Variants in CAMK2D observed in about 807,000 individuals in gnomAD.
The protein encoded by CAMK2D is calcium/calmodulin dependent protein kinase II delta.
In CAMK2D, 37 loss-of-function variants were observed where a neutral mutation model predicts 84.0. The observed-to-expected ratio is 0.44, with a 90% CI of 0.34 to 0.58. The LOEUF (loss-of-function observed/expected upper bound fraction) is 0.58, where lower values mean the gene tolerates loss of function less well. Ranked by LOEUF, CAMK2D falls within the 20% of genes least tolerant of loss-of-function variation. CAMK2D has a pLI of 0.02. For missense variants in CAMK2D, 448 were observed against 652.5 expected (o/e 0.69, Z 3.41); for synonymous variants, 202 against 212.5 (o/e 0.95, Z 0.43).
chr4:113,474,347 A>T (rs1373253138), intron 16 of CAMK2D, among the ~76,000 whole-genome samples: 6 of 152,200 alleles, frequency 3.9e-5, no homozygotes, highest in Non-Finnish European at 8.8e-5. Context: ...AGATGTTCTA[A>T]GCATTCTCTA....
chr4:113,694,637 C>T (rs937377228), intron 2 of CAMK2D, among the ~76,000 whole-genome samples: 43 of 152,120 alleles, frequency 2.8e-4, no homozygotes, highest in African/African-American at 1.0e-3. Flanking sequence ...ATCCCCTTTG[C>T]TGTGCACTCT....
chr4:113,649,499 G>T (rs2099164571), intron 3 of CAMK2D, among the ~76,000 whole-genome samples: 1 of 151,964 alleles, frequency 6.6e-6, no homozygotes, highest in Admixed American at 6.6e-5. Context: ...TTTCTATAAT[G>T]CTCTTCAGTC....
At chr4:113,481,116 A>G (rs568438541) in intron 16 of CAMK2D, among the ~76,000 whole-genome samples, 40 of 152,348 alleles carry the variant, frequency 2.6e-4, no homozygotes, top group African/African-American at 9.4e-4. Context: ...TAACTCCTAA[A>G]TTATGGAGCG....
At chr4:113,506,112 A>G (rs1011594133) in intron 13 of CAMK2D, among the ~76,000 whole-genome samples, 1 of 152,170 alleles carries the variant, frequency 6.6e-6, no homozygotes, top group African/African-American at 2.4e-5. Flanking sequence ...AAAGAGAAAC[A>G]TATACTATAT....
chr4:113,567,694 A>G (rs1346586756), intron 4 of CAMK2D, among the ~76,000 whole-genome samples: 1 of 152,258 alleles, frequency 6.6e-6, no homozygotes, highest in Non-Finnish European at 1.5e-5. Flanking sequence ...TTTGATACTT[A>G]GCTATTTAGC....
intron 2 of CAMK2D, among the ~76,000 whole-genome samples, chr4:113,698,138 T>A (rs988149121): frequency 2.6e-5 from 4 of 152,118 alleles, no homozygotes; most frequent in Admixed American, 2.6e-4. Flanking sequence ...GCCTATTTTA[T>A]AATAAAGTAC....
At chr4:113,720,375 C>T (rs553580705) in intron 2 of CAMK2D, among the ~76,000 whole-genome samples, 8 of 151,480 alleles carry the variant, frequency 5.3e-5, no homozygotes, top group Non-Finnish European at 1.2e-4. Flanking sequence ...CTCACACACA[C>T]ACACACACAC....
intron 2 of CAMK2D, among the ~76,000 whole-genome samples, chr4:113,674,659 G>T (rs745580898): frequency 6.6e-6 from 1 of 152,134 alleles, no homozygotes; most frequent in Non-Finnish European, 1.5e-5. Context: ...GAAATTAACA[G>T]ATCTACTGCC....
At chr4:113,505,536 A>T (rs1489057570) in intron 13 of CAMK2D, among the ~76,000 whole-genome samples, 1 of 152,178 alleles carries the variant, frequency 6.6e-6, no homozygotes, top group African/African-American at 2.4e-5. Flanking sequence ...AGATCTTCTG[A>T]GAAAACGCTG....
In CAMK2D at chr4:113,454,238, T is replaced by C. The variant is rs997792799; in HGVS notation, c.*307A>G. 1 of 296,904 alleles carries C rather than the reference T, an allele frequency of 3.4e-6. No homozygotes were observed. Among genetic ancestry groups the C allele is most frequent in the African/African-American group, 2.2e-5 (1 of 45,652 alleles). The allele number at this position is 296,904 out of a possible 1,614,324, so 18.4% of individuals were successfully genotyped here. On this transcript the variant is annotated 3_prime_UTR_variant, in exon 21 of 21. Coordinates refer to ENST00000511664, the MANE Select transcript of CAMK2D (RefSeq NM_001321571.2). Reference sequence around the variant, plus strand: ...AACAGAGAAACTTGATGAAGAGTTGTACTTGGAATATTGTGGATTTTTTTT... The same window carrying C: ...AACAGAGAAACTTGATGAAGAGTTGCACTTGGAATATTGTGGATTTTTTTT...
At chr4:113,690,741 G>C (rs1454272472) in intron 2 of CAMK2D, among the ~76,000 whole-genome samples, 1 of 152,112 alleles carries the variant, frequency 6.6e-6, no homozygotes, top group Middle Eastern at 3.2e-3. Context: ...GTTTTAATTT[G>C]AATTAATGTA....
At chr4:113,745,195 T>G (rs2099601587) in intron 2 of CAMK2D, among the ~76,000 whole-genome samples, 1 of 152,228 alleles carries the variant, frequency 6.6e-6, no homozygotes. Context: ...TTACGTGTTT[T>G]TAACCTTTTC....
At chr4:113,532,812 C>A (rs1010080412) in intron 7 of CAMK2D, among the ~76,000 whole-genome samples, 2 of 152,138 alleles carry the variant, frequency 1.3e-5, no homozygotes, top group Non-Finnish European at 1.5e-5. Flanking sequence ...TTAAAAATGG[C>A]CTTCTCAGTG....
intron 9 of CAMK2D, among the ~76,000 whole-genome samples, chr4:113,516,412 C>T (rs2098283860): frequency 6.6e-6 from 1 of 152,126 alleles, no homozygotes; most frequent in African/African-American, 2.4e-5. Context: ...CTCTAATTTT[C>T]ATGAAAGCAT....
At chr4:113,469,085 T>A (rs2097514585) in intron 16 of CAMK2D, among the ~76,000 whole-genome samples, 1 of 152,132 alleles carries the variant, frequency 6.6e-6, no homozygotes. Flanking sequence ...CCTTTCAAAT[T>A]CATATATTTT....
At chr4:113,688,797 A>T (rs1301479972) in intron 2 of CAMK2D, among the ~76,000 whole-genome samples, 2 of 151,974 alleles carry the variant, frequency 1.3e-5, no homozygotes, top group Admixed American at 1.3e-4. Context: ...TTCTTGTCTG[A>T]AAAGCTAAGA....
intron 3 of CAMK2D, among the ~76,000 whole-genome samples, chr4:113,619,128 A>G (rs1399023361): frequency 1.3e-5 from 2 of 152,168 alleles, no homozygotes; most frequent in African/African-American, 4.8e-5. Flanking sequence ...CCAGTTGCTC[A>G]TAAAAACCCC....
intron 8 of CAMK2D, among the ~76,000 whole-genome samples, chr4:113,520,251 C>CA (rs2098338521): frequency 6.6e-6 from 1 of 151,690 alleles, no homozygotes; most frequent in South Asian, 2.1e-4. Flanking sequence ...ACTAAAAATA[C>CA]AAAAAAATTA....
At chr4:113,755,429 G>A (rs759733372) in intron 2 of CAMK2D, among the ~76,000 whole-genome samples, 1 of 151,754 alleles carries the variant, frequency 6.6e-6, no homozygotes, top group Non-Finnish European at 1.5e-5. Context: ...GTAAAATACA[G>A]TTGTAATAAC....
Sources: gnomAD v4.1 joint callset for allele counts (sites outside exome capture counted in the v4.1 genomes callset) on GRCh38, gnomAD v4.1.1 for gene constraint, MANE v1.5 for transcripts, NCBI Gene and HGNC (gene_info 2026-07-23, HGNC 2026-07-21) for gene names.